Variants in EXT1 observed in about 807,000 individuals in gnomAD.
EXT1 encodes the protein exostosin glycosyltransferase 1.
A neutral mutation model predicts 82.5 loss-of-function variants in EXT1; 20 were observed. That is an observed-to-expected ratio of 0.24 (90% CI 0.17 to 0.35). The LOEUF (loss-of-function observed/expected upper bound fraction) is 0.35, where lower values mean the gene tolerates loss of function less well. Ranked by LOEUF, EXT1 falls within the 10% of genes least tolerant of loss-of-function variation. EXT1 has a pLI of 1.00. For missense variants in EXT1, 757 were observed against 936.5 expected (o/e 0.81, Z 2.50); for synonymous variants, 348 against 350.8 (o/e 0.99, Z 0.09).
chr8:117,812,099 T>C (rs4876392), intron 8 of EXT1, among the ~76,000 whole-genome samples: 77,035 of 151,732 alleles, frequency 0.51, 19,737 homozygotes, highest in Admixed American at 0.64. Context: ...AGGGGAAAGG[T>C]GTAAGTAGTT....
At chr8:118,022,712 T>G (rs901200173) in intron 1 of EXT1, among the ~76,000 whole-genome samples, 1 of 152,122 alleles carries the variant, frequency 6.6e-6, no homozygotes, top group Non-Finnish European at 1.5e-5. Flanking sequence ...CAACAATGTC[T>G]ATAACTGTTG....
Position 118,110,398 on chromosome 8 carries a change from C to A in EXT1, c.649G>T (p.Ala217Ser). 6.2e-7 allele frequency: 1 copy of A among 1,614,096 alleles called. No individual in the cohort carries two copies. Among genetic ancestry groups the A allele is most frequent in the Non-Finnish European group, 8.5e-7 (1 of 1,180,026 alleles). ...VGFDIGQAMLAKASISTENFR... is the reference protein window; with the variant it reads ...VGFDIGQAMLSKASISTENFR... Reference sequence around the variant, plus strand: ...TTTTCAGTACTGATGCTGGCTTTGGCCAGCATCGCCTGGCCGATGTCAAAC... The same window carrying A: ...TTTTCAGTACTGATGCTGGCTTTGGACAGCATCGCCTGGCCGATGTCAAAC... The change falls in exon 1 of 11, where the codon GCC (alanine) becomes TCC (serine). Residue 217 changes from alanine (A) to serine (S), a missense_variant. Physicochemically the swap from Ala to Ser is moderately conservative, Grantham distance 99 (BLOSUM62 1). Around this residue, in one of 4 missense-constraint regions of EXT1, gnomAD observed 247 missense variants for 330.1 expected, o/e 0.75. Transcript: ENST00000378204.
chr8:118,056,265 T>A (rs542173558), intron 1 of EXT1, among the ~76,000 whole-genome samples: 5 of 152,288 alleles, frequency 3.3e-5, no homozygotes, highest in Admixed American at 6.5e-5. Context: ...TATATATACA[T>A]CTTGAAAGAA....
At chr8:118,001,451 C>T (rs1375972820) in intron 1 of EXT1, among the ~76,000 whole-genome samples, 1 of 151,830 alleles carries the variant, frequency 6.6e-6, no homozygotes, top group African/African-American at 2.4e-5. Flanking sequence ...TCCCAAAGTG[C>T]TGGGATTACA....
At chr8:118,040,835 G>A (rs775229209) in intron 1 of EXT1, among the ~76,000 whole-genome samples, 10 of 152,162 alleles carry the variant, frequency 6.6e-5, no homozygotes, top group Non-Finnish European at 8.8e-5. Flanking sequence ...AATTGTTCAC[G>A]TCAGTTCTGT....
At chr8:118,006,936 C>G (rs1586338810) in intron 1 of EXT1, among the ~76,000 whole-genome samples, 2 of 152,214 alleles carry the variant, frequency 1.3e-5, no homozygotes, top group South Asian at 4.1e-4. Context: ...TACCTAAGCA[C>G]TGAATCCACA....
At chr8:118,017,034 AAAG>A (rs1816016253) in intron 1 of EXT1, among the ~76,000 whole-genome samples, 1 of 152,230 alleles carries the variant, frequency 6.6e-6, no homozygotes, top group African/African-American at 2.4e-5. Context: ...ACTTCCAATG[AAAG>A]AAGGAAGGAA....
chr8:117,871,315 A>G (rs1425363221), intron 1 of EXT1, among the ~76,000 whole-genome samples: 1 of 152,236 alleles, frequency 6.6e-6, no homozygotes, highest in Non-Finnish European at 1.5e-5. Flanking sequence ...TTCTTTCAAC[A>G]TAAATGCATG....
At chr8:117,831,681 A>C (rs759830334) in intron 3 of EXT1, 1 of 471,060 alleles carries the variant, frequency 2.1e-6, no homozygotes, top group South Asian at 1.5e-5. Context: ...ATGCTCCGTT[A>C]GCTGCTTTAA....
chr8:117,932,295 C>G (rs1471557481), intron 1 of EXT1, among the ~76,000 whole-genome samples: 1 of 152,036 alleles, frequency 6.6e-6, no homozygotes, highest in Non-Finnish European at 1.5e-5. Flanking sequence ...TCAACTTAAC[C>G]AAATGCTGGC....
Position 117,902,893 on chromosome 8 carries a change from G to A in EXT1, c.963-65692C>T, listed in dbSNP as rs111480667. Reference sequence around the variant, plus strand: ...ATACATCCAACAATCTGGGTATAAGGAATTTCTTTCTTTAGCTCCTTAGAT... The same window carrying A: ...ATACATCCAACAATCTGGGTATAAGAAATTTCTTTCTTTAGCTCCTTAGAT... On this transcript the variant is annotated intron_variant, in intron 1 of 10. Coordinates refer to ENST00000378204, the MANE Select transcript of EXT1 (RefSeq NM_000127.3). 1.7e-4 allele frequency among the ~76,000 whole-genome samples: 26 copies of A among 152,288 alleles called. No individual in the cohort carries two copies. The South Asian group carries it at 2.3e-3, about 13-fold the overall frequency.
At chr8:117,941,156 C>G (rs138298093) in intron 1 of EXT1, among the ~76,000 whole-genome samples, 2 of 152,176 alleles carry the variant, frequency 1.3e-5, no homozygotes, top group Admixed American at 6.5e-5. Flanking sequence ...TCTAGGGAAC[C>G]CTACCTAAGT....
chr8:117,974,244 C>G (rs935629756), intron 1 of EXT1, among the ~76,000 whole-genome samples: 1 of 152,140 alleles, frequency 6.6e-6, no homozygotes, highest in African/African-American at 2.4e-5. Context: ...AGTGGATGAA[C>G]TAAGAAGAGA....
chr8:117,864,766 C>T (rs1339059658), intron 1 of EXT1, among the ~76,000 whole-genome samples: 3 of 139,748 alleles, frequency 2.1e-5, no homozygotes, highest in Non-Finnish European at 3.1e-5. Context: ...AAAAAAAAAT[C>T]GCAAAAAAAA....
At chr8:117,866,627 C>A (rs1223307461) in intron 1 of EXT1, among the ~76,000 whole-genome samples, 2 of 152,060 alleles carry the variant, frequency 1.3e-5, no homozygotes, top group Non-Finnish European at 2.9e-5. Context: ...TTACGGAAAC[C>A]TAGAATTTTA....
At chr8:117,865,066 G>A (rs1812752666) in intron 1 of EXT1, among the ~76,000 whole-genome samples, 1 of 152,160 alleles carries the variant, frequency 6.6e-6, no homozygotes, top group East Asian at 1.9e-4. Flanking sequence ...TTTGAGATGA[G>A]CTGACTGACT....
At chr8:117,814,301 T>C (rs1219436450) in intron 7 of EXT1, among the ~76,000 whole-genome samples, 1 of 149,404 alleles carries the variant, frequency 6.7e-6, no homozygotes, top group Non-Finnish European at 1.5e-5. Flanking sequence ...GCTGGAAAAA[T>C]TGAGGGTGGA....
chr8:117,824,818 C>A (rs1208942646), intron 4 of EXT1, among the ~76,000 whole-genome samples: 1 of 151,916 alleles, frequency 6.6e-6, no homozygotes, highest in African/African-American at 2.4e-5. Flanking sequence ...TAAAATTTTC[C>A]ACATTTAGGA....
At chr8:117,807,183 TAA>T (rs762976115) in intron 9 of EXT1, 32 bp downstream of exon 9, 11 of 1,613,654 alleles carry the variant, frequency 6.8e-6, no homozygotes, top group South Asian at 1.1e-5. Context: ...AAAAGCTATG[TAA>T]AGTCTGTAAG....
Sources: allele counts gnomAD v4.1 joint callset (sites outside exome capture counted in the v4.1 genomes callset), GRCh38; gene constraint gnomAD v4.1.1; regional missense constraint gnomAD v4.1.1; transcripts MANE v1.5; gene names NCBI Gene and HGNC (gene_info 2026-07-23, HGNC 2026-07-21).